LRRK1: variants seen among roughly 807,000 people sequenced by gnomAD.
The protein encoded by LRRK1 is leucine-rich repeat serine/threonine-protein kinase 1.
A neutral mutation model predicts 209.1 loss-of-function variants in LRRK1; 113 were observed. That is an observed-to-expected ratio of 0.54 (90% CI 0.46 to 0.63). LRRK1 has a LOEUF of 0.63. Among genes scored for constraint, LRRK1 ranks in the 30% least tolerant of loss-of-function variants. The pLI is 0.00. For missense variants in LRRK1, 2,284 were observed against 2,632.2 expected (o/e 0.87, Z 2.89); for synonymous variants, 1,144 against 1,099.7 (o/e 1.04, Z -0.80).
chr15:101,019,365 T>C (rs1365681869), intron 12 of LRRK1, among the ~76,000 whole-genome samples: 1 of 152,192 alleles, frequency 6.6e-6, no homozygotes, highest in Admixed American at 6.5e-5. Flanking sequence ...ATTGATCATC[T>C]TTTTTCATTG....
At chr15:101,038,092 C>G (rs146326733) in intron 20 of LRRK1, among the ~76,000 whole-genome samples, 2 of 152,082 alleles carry the variant, frequency 1.3e-5, no homozygotes. Context: ...AATTGGAGAC[C>G]ATTATTGTAA....
chr15:101,012,172 A>G (rs1048836308), intron 10 of LRRK1, 27 bp downstream of exon 10: 2 of 1,570,346 alleles, frequency 1.3e-6, no homozygotes, highest in South Asian at 2.4e-5. Context: ...TTTCTTTCTC[A>G]TTTTCGGCTT....
chr15:100,925,986 A>G (rs1018176175), intron 2 of LRRK1, among the ~76,000 whole-genome samples: 1 of 152,168 alleles, frequency 6.6e-6, no homozygotes, highest in African/African-American at 2.4e-5. Flanking sequence ...ACGATCGGCC[A>G]CTGTACCTGG....
In LRRK1 at chr15:100,924,704, A is replaced by C; in HGVS notation, c.72A>C (p.Pro24=). ...GGCCGGAGGAGTCAGCTGTGTGTCC[A>C]GAACGTGCCATGGAGACGCTTAACG... ...CVGPEESAVC[P]ERAMETLNGA... is the part of the protein sequence containing the mutation. Residue 24 remains proline (P), a synonymous_variant, in exon 2 of 34, where the codon CCA becomes CCC. Transcript: ENST00000388948. 3.7e-6 allele frequency: 6 copies of C among 1,614,194 alleles called. No individual in the cohort carries two copies. The highest frequency in any genetic ancestry group is 4.2e-6 in the Non-Finnish European group (5 of 1,180,014).
Position 101,065,931 on chromosome 15 carries a change from C to G in LRRK1, c.5494C>G (p.Gln1832Glu), listed in dbSNP as rs757198165. ...GCTGGGCACGCAGATCCTGATCCACCAGGAATCACTCACTGACTACTGCTC... is the reference window on the plus strand; with the variant it reads ...GCTGGGCACGCAGATCCTGATCCACGAGGAATCACTCACTGACTACTGCTC... ...EELGTQILIH[Q>E]ESLTDYCSMS... Residue 1832 changes from glutamine to glutamate, a missense_variant, in exon 32 of 34, where the codon CAG becomes GAG. Gln to Glu is a conservative substitution (Grantham distance 29, BLOSUM62 2). This residue lies in a region of LRRK1 where 643 missense variants were observed against 695.9 expected (regional missense o/e 0.92). Coordinates refer to ENST00000388948, the MANE Select transcript of LRRK1 (RefSeq NM_024652.6). The G allele has an allele frequency of 1.2e-6, 2 of 1,614,158 alleles. No homozygotes were observed. The highest frequency in any genetic ancestry group is 2.7e-5 in the African/African-American group (2 of 75,046).
At chr15:101,021,319 C>T (rs904072076) in intron 13 of LRRK1, 137 bp downstream of exon 13, 3 of 901,788 alleles carry the variant, frequency 3.3e-6, no homozygotes, top group South Asian at 1.7e-5. Context: ...GTGAGATTTT[C>T]GGAACAGGGC....
chr15:100,986,326 C>T (rs1424330179), intron 4 of LRRK1, among the ~76,000 whole-genome samples: 1 of 152,208 alleles, frequency 6.6e-6, no homozygotes, highest in African/African-American at 2.4e-5. Flanking sequence ...GTCTCTGAAG[C>T]TGAGCAGGGA....
At chr15:100,946,184 C>A (rs1682656680) in intron 2 of LRRK1, among the ~76,000 whole-genome samples, 1 of 152,140 alleles carries the variant, frequency 6.6e-6, no homozygotes, top group African/African-American at 2.4e-5. Flanking sequence ...TTGATCCTAT[C>A]ATTTAATGCA....
chr15:101,032,699 G>A (rs2034335796), intron 20 of LRRK1, among the ~76,000 whole-genome samples: 1 of 152,080 alleles, frequency 6.6e-6, no homozygotes, highest in South Asian at 2.1e-4. Flanking sequence ...AGTAGGGGTC[G>A]AGGTCCATTT....
chr15:101,063,591 C>A (rs1192086308), intron 31 of LRRK1, among the ~76,000 whole-genome samples: 1 of 152,212 alleles, frequency 6.6e-6, no homozygotes, highest in African/African-American at 2.4e-5. Flanking sequence ...GGCGCCCTCA[C>A]TAAATGCACA....
At chr15:100,971,169 A>G (rs773173227) in intron 2 of LRRK1, among the ~76,000 whole-genome samples, 1 of 151,980 alleles carries the variant, frequency 6.6e-6, no homozygotes, top group African/African-American at 2.4e-5. Flanking sequence ...CCCCATCTCT[A>G]CTAAAAATAC....
chr15:100,942,347 C>G (rs2141612256), intron 2 of LRRK1, among the ~76,000 whole-genome samples: 1 of 152,306 alleles, frequency 6.6e-6, no homozygotes, highest in South Asian at 2.1e-4. Flanking sequence ...AAAAAATGGC[C>G]TGTTCTTTTT....
intron 2 of LRRK1, among the ~76,000 whole-genome samples, chr15:100,931,295 T>C (rs530234614): frequency 6.6e-6 from 1 of 152,316 alleles, no homozygotes; most frequent in South Asian, 2.1e-4. Context: ...CCAGGGGCCG[T>C]GGCACATTGC....
intron 21 of LRRK1, among the ~76,000 whole-genome samples, chr15:101,047,734 A>G (rs2035165973): frequency 6.6e-6 from 1 of 152,234 alleles, no homozygotes; most frequent in Admixed American, 6.5e-5. Flanking sequence ...GTCAGCGCAC[A>G]GGACAGTCTC....
chr15:101,020,020 A>G (rs2033704438), intron 12 of LRRK1, among the ~76,000 whole-genome samples: 1 of 152,254 alleles, frequency 6.6e-6, no homozygotes, highest in Non-Finnish European at 1.5e-5. Flanking sequence ...AAAGAATGGC[A>G]TTGTAAGAAG....
At chr15:101,049,850 G>T in intron 23 of LRRK1, 67 bp downstream of exon 23, 2 of 1,515,950 alleles carry the variant, frequency 1.3e-6, no homozygotes, top group Admixed American at 2.0e-5. Flanking sequence ...GGGTGGGGCT[G>T]CTGCTTTCGG....
Position 101,065,627 on chromosome 15 carries a change from C to T in LRRK1, c.5190C>T (p.Tyr1730=), listed in dbSNP as rs1194569505. The change falls in exon 32 of 34, where the codon TAC becomes TAT. Residue 1730 remains tyrosine (Y), a synonymous_variant. Coordinates refer to ENST00000388948, the MANE Select transcript of LRRK1 (RefSeq NM_024652.6). ...SLEICRRLEP[Y]MAPSMVTSVV... ...AGATCTGCAGGCGGCTGGAGCCCTA[C>T]ATGGCCCCCTCCATGGTTACGTCAG... 2.5e-6 allele frequency: 4 copies of T among 1,614,104 alleles called. No individual in the cohort carries two copies. The African/African-American group carries it at 5.3e-5, about 22-fold the overall frequency.
intron 20 of LRRK1, among the ~76,000 whole-genome samples, chr15:101,032,474 A>C (rs2034326992): frequency 7.0e-6 from 1 of 143,200 alleles, no homozygotes; most frequent in Non-Finnish European, 1.5e-5. Flanking sequence ...ATGATTTGCA[A>C]ATATTTTCTC....
chr15:100,983,773 CTT>C, intron 4 of LRRK1, 74 bp downstream of exon 4: 1 of 1,362,190 alleles, frequency 7.3e-7, no homozygotes. Context: ...AAAATGTTTA[CTT>C]CTTCATGCTT....
Sources: gnomAD v4.1 joint callset for allele counts (sites outside exome capture counted in the v4.1 genomes callset) on GRCh38, gnomAD v4.1.1 for gene constraint, gnomAD v4.1.1 regional missense constraint, MANE v1.5 for transcripts, NCBI Gene and HGNC (gene_info 2026-07-23, HGNC 2026-07-21) for gene names.